MARCHF1: variants seen among roughly 807,000 people sequenced by gnomAD.
The protein encoded by MARCHF1 is membrane associated ring-CH-type finger 1.
Under a neutral mutation model 54.2 loss-of-function variants are expected in MARCHF1, and 40 were observed. The ratio of observed to expected loss-of-function variants is 0.74; its 90% CI spans 0.57 to 0.96. MARCHF1 has a LOEUF of 0.96. MARCHF1 is among the 40% of genes least tolerant of loss of function. MARCHF1 has a pLI of 0.00. For missense variants in MARCHF1, 586 were observed against 656.5 expected, an observed-to-expected ratio of 0.89 and a Z score of 1.17; for synonymous variants, 236 against 236.3, an observed-to-expected ratio of 1.00 and a Z score of 0.01.
intron 5 of MARCHF1, among the ~76,000 whole-genome samples, chr4:163,674,032 A>G (rs534618333): frequency 6.6e-6 from 1 of 152,336 alleles, no homozygotes; most frequent in South Asian, 2.1e-4. Flanking sequence ...TGAATCTGAT[A>G]GGTGGTAGAA....
At chr4:163,778,949 C>T (rs989682698) in intron 4 of MARCHF1, among the ~76,000 whole-genome samples, 8 of 152,002 alleles carry the variant, frequency 5.3e-5, no homozygotes, top group African/African-American at 1.2e-4. Context: ...GTGCAAGCAA[C>T]GAAATTATGC....
intron 2 of MARCHF1, among the ~76,000 whole-genome samples, chr4:164,029,867 T>C (rs1201764494): frequency 6.6e-6 from 1 of 152,238 alleles, no homozygotes; most frequent in African/African-American, 2.4e-5. Flanking sequence ...AGTGCTGGCA[T>C]TACAGGTGTG....
chr4:163,723,767 G>A (rs533862115), intron 4 of MARCHF1, among the ~76,000 whole-genome samples: 79 of 151,914 alleles, frequency 5.2e-4, no homozygotes, highest in African/African-American at 1.8e-3. Flanking sequence ...GCTTCATTTC[G>A]TTCATTTGAT....
At chr4:163,599,736 T>C (rs188417115) in intron 7 of MARCHF1, among the ~76,000 whole-genome samples, 1 of 152,348 alleles carries the variant, frequency 6.6e-6, no homozygotes, top group Admixed American at 6.5e-5. Context: ...CCAGCGTTTC[T>C]GATTCCATAG....
intron 3 of MARCHF1, among the ~76,000 whole-genome samples, chr4:163,978,367 C>A (rs1262784131): frequency 1.3e-5 from 2 of 152,158 alleles, no homozygotes; most frequent in African/African-American, 2.4e-5. Context: ...AGGAAAAATA[C>A]AGTCAACATA....
chr4:163,737,332 C>G (rs1242383056), intron 4 of MARCHF1, among the ~76,000 whole-genome samples: 2 of 78,868 alleles, frequency 2.5e-5, no homozygotes, highest in African/African-American at 7.3e-5. Context: ...TGTCATCTAG[C>G]ATTAGGTATA....
At chr4:163,953,133 T>A (rs1752166076) in intron 3 of MARCHF1, among the ~76,000 whole-genome samples, 2 of 152,284 alleles carry the variant, frequency 1.3e-5, no homozygotes, top group Middle Eastern at 3.4e-3. Flanking sequence ...CAGCTACCTG[T>A]CAGAATTCCA....
chr4:163,729,078 T>G (rs1407968550), intron 4 of MARCHF1, among the ~76,000 whole-genome samples: 1 of 152,156 alleles, frequency 6.6e-6, no homozygotes, highest in Non-Finnish European at 1.5e-5. Context: ...AATAAATTAA[T>G]TTTTTGAATG....
intron 1 of MARCHF1, among the ~76,000 whole-genome samples, chr4:164,244,617 C>G (rs927954846): frequency 6.8e-6 from 1 of 147,006 alleles, no homozygotes; most frequent in Non-Finnish European, 1.5e-5. Context: ...CAGAGCAGAA[C>G]TGAAGGAAAT....
intron 7 of MARCHF1, among the ~76,000 whole-genome samples, chr4:163,586,809 G>A (rs934477284): frequency 1.9e-4 from 28 of 148,360 alleles, no homozygotes; most frequent in Non-Finnish European, 1.3e-4. Context: ...ATTAAATATG[G>A]TATCTTACCA....
chr4:164,346,751 C>T (rs367971038), intron 1 of MARCHF1, among the ~76,000 whole-genome samples: 40 of 150,626 alleles, frequency 2.7e-4, no homozygotes, highest in African/African-American at 8.8e-4. Context: ...TAAACAATGG[C>T]TTTATTGTGC....
At chr4:163,638,262 A>G (rs1443203461) in intron 5 of MARCHF1, among the ~76,000 whole-genome samples, 1 of 152,010 alleles carries the variant, frequency 6.6e-6, no homozygotes, top group Non-Finnish European at 1.5e-5. Context: ...AATTAAAAAA[A>G]AAAAAAGAAA....
At chr4:163,731,045 T>G (rs1456301482) in intron 4 of MARCHF1, among the ~76,000 whole-genome samples, 1 of 152,188 alleles carries the variant, frequency 6.6e-6, no homozygotes, top group Non-Finnish European at 1.5e-5. Context: ...TCCAGTTAAA[T>G]GACTTAAGGA....
Position 163,779,702 on chromosome 4 carries a change from A to G in MARCHF1, c.111+74319T>C, listed in dbSNP as rs569362862. 2.6e-5 allele frequency among the ~76,000 whole-genome samples: 4 copies of G among 152,344 alleles called. 1 individual carries two copies. The South Asian group carries it at 8.3e-4, about 32-fold the overall frequency. ...TTGCTCTGAACTGAAGTTATTATGA[A>G]ACAGGGAACAAAGTGGGAGATATTC... is the stretch of plus-strand genomic sequence containing the variant. On this transcript the variant is annotated intron_variant, in intron 4 of 9. Coordinates refer to ENST00000514618, the MANE Select transcript of MARCHF1 (RefSeq NM_001394959.1).
At chr4:164,023,770 A>G in intron 2 of MARCHF1, among the ~76,000 whole-genome samples, 1 of 152,178 alleles carries the variant, frequency 6.6e-6, no homozygotes, top group East Asian at 1.9e-4. Context: ...AGAATTCAAA[A>G]TCTGAATGAC....
chr4:164,026,841 A>C (rs1180085895), intron 2 of MARCHF1, among the ~76,000 whole-genome samples: 1 of 152,092 alleles, frequency 6.6e-6, no homozygotes, highest in African/African-American at 2.4e-5. Context: ...GAATACCCCC[A>C]CAGTCTCTGC....
intron 3 of MARCHF1, among the ~76,000 whole-genome samples, chr4:163,907,398 G>T (rs76351291): frequency 0.013 from 1,919 of 152,116 alleles, 41 homozygotes; most frequent in African/African-American, 0.044. Flanking sequence ...GTAGTAATAG[G>T]TCACGATATA....
At chr4:163,537,002 G>A (rs1323644483) in intron 9 of MARCHF1, among the ~76,000 whole-genome samples, 1 of 152,108 alleles carries the variant, frequency 6.6e-6, no homozygotes, top group Non-Finnish European at 1.5e-5. Context: ...TTAACAGACA[G>A]CCTGCTCTTT....
chr4:164,011,770 G>C (rs4056330), intron 2 of MARCHF1, among the ~76,000 whole-genome samples: 64,684 of 152,064 alleles, frequency 0.43, 14,736 homozygotes, highest in Non-Finnish European at 0.51. Flanking sequence ...AGTCATGTGA[G>C]GTATCACAGT....
Sources: allele counts gnomAD v4.1 joint callset (sites outside exome capture counted in the v4.1 genomes callset), GRCh38; gene constraint gnomAD v4.1.1; transcripts MANE v1.5; gene names NCBI Gene and HGNC (gene_info 2026-07-23, HGNC 2026-07-21).